Variants in NRXN3 observed in about 807,000 individuals in gnomAD.
NRXN3 encodes neurexin III.
Under a neutral mutation model 137.6 loss-of-function variants are expected in NRXN3, and 32 were observed. That is an observed-to-expected ratio of 0.23 (90% CI 0.18 to 0.31). NRXN3 has a LOEUF of 0.31. Among genes scored for constraint, NRXN3 ranks in the 10% least tolerant of loss-of-function variants. The pLI is 1.00. For missense variants in NRXN3, 1,574 were observed against 2,062.5 expected (o/e 0.76, Z 4.59); for synonymous variants, 798 against 784.5 (o/e 1.02, Z -0.29).
At chr14:78,511,140 C>T (rs1203817358) in intron 4 of NRXN3, among the ~76,000 whole-genome samples, 2 of 151,996 alleles carry the variant, frequency 1.3e-5, no homozygotes, top group Non-Finnish European at 2.9e-5. Flanking sequence ...AAAAAGAAAA[C>T]AACAACAACA....
intron 8 of NRXN3, among the ~76,000 whole-genome samples, chr14:78,747,931 A>G (rs938151584): frequency 2.6e-5 from 4 of 152,140 alleles, no homozygotes; most frequent in African/African-American, 9.7e-5. Context: ...TCATTCACTC[A>G]TGTAGGATAA....
intron 16 of NRXN3, among the ~76,000 whole-genome samples, chr14:79,501,609 CA>C (rs1015215632): frequency 1.3e-5 from 2 of 152,078 alleles, no homozygotes; most frequent in African/African-American, 4.8e-5. Context: ...AGGGACTTGC[CA>C]AAGTCAAATA....
At chr14:78,624,829 G>GTGTGTT (rs1555404276) in intron 4 of NRXN3, among the ~76,000 whole-genome samples, 4 of 146,992 alleles carry the variant, frequency 2.7e-5, no homozygotes, top group Non-Finnish European at 6.0e-5. Flanking sequence ...GTGTGTGTGT[G>GTGTGTT]TGTTTGTTTG....
intron 4 of NRXN3, among the ~76,000 whole-genome samples, chr14:78,605,715 TA>T (rs11422829): frequency 2.7e-4 from 41 of 151,798 alleles, no homozygotes; most frequent in Non-Finnish European, 4.1e-4. Flanking sequence ...GGGATTTCTT[TA>T]AAAAAAATAA....
chr14:79,243,352 G>A (rs900948316), intron 15 of NRXN3, among the ~76,000 whole-genome samples: 1 of 152,158 alleles, frequency 6.6e-6, no homozygotes, highest in South Asian at 2.1e-4. Flanking sequence ...TTTGGGAGGA[G>A]GTCAAGGCTT....
At chr14:78,548,675 C>T (rs1054587079) in intron 4 of NRXN3, among the ~76,000 whole-genome samples, 1 of 152,186 alleles carries the variant, frequency 6.6e-6, no homozygotes, top group Admixed American at 6.5e-5. Flanking sequence ...GTTACATTGT[C>T]CCCTGCACAC....
chr14:78,365,902 C>T (rs2085867052), intron 4 of NRXN3, among the ~76,000 whole-genome samples: 1 of 152,222 alleles, frequency 6.6e-6, no homozygotes, highest in East Asian at 1.9e-4. Context: ...GAGGAGCAAC[C>T]AAGAGTGGAG....
chr14:78,678,683 A>C (rs2098038048), intron 6 of NRXN3, among the ~76,000 whole-genome samples: 1 of 152,148 alleles, frequency 6.6e-6, no homozygotes, highest in Non-Finnish European at 1.5e-5. Flanking sequence ...ATGTAGTATA[A>C]ACCAACTCAA....
chr14:78,433,847 C>G (rs2093972631), intron 4 of NRXN3, among the ~76,000 whole-genome samples: 4 of 152,112 alleles, frequency 2.6e-5, no homozygotes, highest in Non-Finnish European at 4.4e-5. Context: ...GCTCGGACAA[C>G]AAAATTTTGT....
chr14:79,034,398 AT>A (rs1287262629), intron 15 of NRXN3, among the ~76,000 whole-genome samples: 1 of 131,870 alleles, frequency 7.6e-6, no homozygotes, highest in Admixed American at 7.6e-5. Context: ...GAAAAAAAAC[AT>A]GTTAAGAGAA....
intron 1 of NRXN3, chr14:78,177,717 A>G (rs2059407402): frequency 6.6e-6 from 1 of 152,234 alleles, no homozygotes; most frequent in Non-Finnish European, 1.5e-5. Context: ...GACTGAGAGT[A>G]CAGCCTTTCC....
intron 8 of NRXN3, among the ~76,000 whole-genome samples, chr14:78,750,927 T>TA (rs1156825223): frequency 6.6e-6 from 1 of 152,154 alleles, no homozygotes; most frequent in Non-Finnish European, 1.5e-5. Context: ...CCCAGAATTC[T>TA]ACCATGACAA....
chr14:79,113,728 T>TTG (rs2053926584), intron 15 of NRXN3, among the ~76,000 whole-genome samples: 1 of 152,188 alleles, frequency 6.6e-6, no homozygotes, highest in Non-Finnish European at 1.5e-5. Flanking sequence ...ACTGAACTTT[T>TTG]TGTGTACTTA....
chr14:79,049,086 A>AAAAT (rs2099638056), intron 15 of NRXN3, among the ~76,000 whole-genome samples: 2 of 66,252 alleles, frequency 3.0e-5, no homozygotes, highest in Non-Finnish European at 5.8e-5. Flanking sequence ...AATAATAATA[A>AAAAT]TAATAATAAT....
At chr14:78,580,166 C>T (rs1300351189) in intron 4 of NRXN3, among the ~76,000 whole-genome samples, 3 of 152,052 alleles carry the variant, frequency 2.0e-5, no homozygotes, top group African/African-American at 7.2e-5. Flanking sequence ...TGGGTTGCTC[C>T]TGCCACAGAG....
chr14:78,900,455 T>C (rs940250363), intron 10 of NRXN3, among the ~76,000 whole-genome samples: 8 of 150,878 alleles, frequency 5.3e-5, no homozygotes, highest in African/African-American at 2.0e-4. Flanking sequence ...TTTTTTTTTT[T>C]CACTATCTAT....
chr14:79,279,990 C>G, intron 15 of NRXN3: 1 of 1,183,652 alleles, frequency 8.4e-7, no homozygotes, highest in Middle Eastern at 3.6e-4. Flanking sequence ...CGGTCTTCCC[C>G]TGACATGCGT....
chr14:79,574,952 TA>T (rs140263226), intron 16 of NRXN3, among the ~76,000 whole-genome samples: 9 of 151,196 alleles, frequency 6.0e-5, no homozygotes, highest in Admixed American at 2.0e-4. Flanking sequence ...ATTCTTGCTT[TA>T]AAAAAAAATG....
At chr14:78,314,937 T>TCCC in intron 4 of NRXN3, among the ~76,000 whole-genome samples, 1 of 124,684 alleles carries the variant, frequency 8.0e-6, no homozygotes, top group South Asian at 2.8e-4. Context: ...CTTTCTTTCT[T>TCCC]TCTTTCTTCC....
Sources: allele counts gnomAD v4.1 joint callset (sites outside exome capture counted in the v4.1 genomes callset), GRCh38; gene constraint gnomAD v4.1.1; transcripts MANE v1.5; gene names NCBI Gene and HGNC (gene_info 2026-07-23, HGNC 2026-07-21).